PLXDC2: variants seen among roughly 807,000 people sequenced by gnomAD.
PLXDC2 encodes the protein plexin domain-containing protein 2.
PLXDC2 carries 40 observed loss-of-function variants against 68.9 expected under a neutral mutation model. That is an observed-to-expected ratio of 0.58 (90% confidence interval 0.45 to 0.76). The LOEUF is 0.76. Ranked by LOEUF, PLXDC2 falls within the 30% of genes least tolerant of loss-of-function variation. PLXDC2 has a pLI of 0.00. For synonymous variants in PLXDC2, 243 were observed against 234.2 expected (o/e 1.04, Z -0.34); for missense variants, 644 against 661.9 (o/e 0.97, Z 0.30).
At chr10:20,013,869 G>T (rs1835158068) in intron 2 of PLXDC2, among the ~76,000 whole-genome samples, 1 of 152,120 alleles carries the variant, frequency 6.6e-6, no homozygotes, top group South Asian at 2.1e-4. Context: ...AGTAAATGAG[G>T]TTAATCTTCA....
At chr10:19,950,650 A>G (rs534330959) in intron 1 of PLXDC2, among the ~76,000 whole-genome samples, 1 of 152,334 alleles carries the variant, frequency 6.6e-6, no homozygotes, top group East Asian at 1.9e-4. Flanking sequence ...GAACAAAACT[A>G]TGCAAAAATT....
rs140004070 is a variant in PLXDC2 at position 20,195,013 on chromosome 10, T to A, written c.1062-16656T>A. On this transcript the variant is annotated intron_variant, in intron 9 of 13. Coordinates refer to ENST00000377252, the MANE Select transcript of PLXDC2 (RefSeq NM_032812.9). Reference sequence around the variant, plus strand: ...ATAGTGCTTACCTGAAAGATTGTATTACATTATAAAAGATAATCATAACAA... The same window carrying A: ...ATAGTGCTTACCTGAAAGATTGTATAACATTATAAAAGATAATCATAACAA... Among the ~76,000 whole-genome samples, 588 of 152,140 alleles carry A rather than the reference T, an allele frequency of 3.9e-3. 3 individuals are homozygous for A. The highest frequency in any genetic ancestry group is 7.3e-3 in the Non-Finnish European group (494 of 68,002).
chr10:20,220,064 G>C (rs1372650139), intron 12 of PLXDC2, among the ~76,000 whole-genome samples: 4 of 152,140 alleles, frequency 2.6e-5, no homozygotes, highest in South Asian at 2.1e-4. Context: ...ATCTGAAAGA[G>C]AGAACAGTTA....
chr10:20,149,813 T>C (rs1834129724), intron 6 of PLXDC2, among the ~76,000 whole-genome samples: 1 of 152,178 alleles, frequency 6.6e-6, no homozygotes. Context: ...CTTTATCCAG[T>C]CTATCATTGG....
At chr10:20,241,959 T>G (rs1055085212) in intron 12 of PLXDC2, among the ~76,000 whole-genome samples, 1 of 151,478 alleles carries the variant, frequency 6.6e-6, no homozygotes. Context: ...GATGGATGGA[T>G]GGATGGATGG....
At chr10:19,946,845 C>G (rs553422109) in intron 1 of PLXDC2, among the ~76,000 whole-genome samples, 6 of 151,978 alleles carry the variant, frequency 3.9e-5, no homozygotes, top group Non-Finnish European at 5.9e-5. Flanking sequence ...CAAGTGCCAT[C>G]GCTGATCCGA....
intron 9 of PLXDC2, among the ~76,000 whole-genome samples, chr10:20,208,414 G>A (rs976309437): frequency 6.0e-5 from 9 of 150,106 alleles, no homozygotes; most frequent in Admixed American, 5.9e-4. Context: ...AACAGTATGG[G>A]GGAAACTGCC....
intron 1 of PLXDC2, among the ~76,000 whole-genome samples, chr10:19,848,799 G>T (rs188836671): frequency 6.6e-6 from 1 of 151,918 alleles, no homozygotes; most frequent in Non-Finnish European, 1.5e-5. Context: ...GATGCTGTTT[G>T]CCTGTAAGGG....
intron 4 of PLXDC2, among the ~76,000 whole-genome samples, chr10:20,134,659 G>C (rs1330731466): frequency 6.6e-6 from 1 of 152,166 alleles, no homozygotes; most frequent in Admixed American, 6.5e-5. Context: ...CTGGCACAAG[G>C]GTTCACAGGC....
chr10:19,863,133 CAT>C (rs1049126666), intron 1 of PLXDC2, among the ~76,000 whole-genome samples: 2 of 152,128 alleles, frequency 1.3e-5, no homozygotes, highest in African/African-American at 4.8e-5. Context: ...ATCTTCATGT[CAT>C]ATTTCAATTT....
intron 3 of PLXDC2, among the ~76,000 whole-genome samples, chr10:20,065,044 A>C (rs1460820268): frequency 2.0e-5 from 3 of 152,050 alleles, no homozygotes; most frequent in Non-Finnish European, 2.9e-5. Context: ...TCCTTGAGCA[A>C]GTGCCATCTG....
At chr10:20,179,441 A>G (rs1354314597) in intron 9 of PLXDC2, among the ~76,000 whole-genome samples, 1 of 152,126 alleles carries the variant, frequency 6.6e-6, no homozygotes, top group Non-Finnish European at 1.5e-5. Flanking sequence ...GAATCATGCT[A>G]AAATTTGTCT....
intron 4 of PLXDC2, among the ~76,000 whole-genome samples, chr10:20,099,856 G>A (rs1388062601): frequency 6.6e-6 from 1 of 151,702 alleles, no homozygotes; most frequent in Non-Finnish European, 1.5e-5. Flanking sequence ...TTTTAAAGTA[G>A]ACATTTAAAA....
At chr10:19,886,047 C>T (rs774066293) in intron 1 of PLXDC2, among the ~76,000 whole-genome samples, 55 of 152,208 alleles carry the variant, frequency 3.6e-4, no homozygotes, top group Non-Finnish European at 6.3e-4. Context: ...TGGTTTGTAG[C>T]TCTCCTTGAA....
intron 1 of PLXDC2, among the ~76,000 whole-genome samples, chr10:19,944,367 AT>A (rs1833867150): frequency 6.6e-6 from 1 of 152,022 alleles, no homozygotes; most frequent in East Asian, 1.9e-4. Flanking sequence ...TATATTTGGA[AT>A]GTATGTTTCC....
At chr10:19,849,803 G>T (rs759077930) in intron 1 of PLXDC2, among the ~76,000 whole-genome samples, 1 of 152,100 alleles carries the variant, frequency 6.6e-6, no homozygotes, top group Non-Finnish European at 1.5e-5. Flanking sequence ...TTGAATGGAT[G>T]GGATGGGTTA....
At chr10:20,279,672 A>T (rs768041708) in intron 13 of PLXDC2, 31 bp from the exon 14 acceptor site, 18 of 1,576,094 alleles carry the variant, frequency 1.1e-5, no homozygotes, top group Non-Finnish European at 1.6e-5. Flanking sequence ...ACCCTGACGC[A>T]CATTTTTTAT....
intron 1 of PLXDC2, among the ~76,000 whole-genome samples, chr10:19,924,181 C>T (rs543618043): frequency 5.2e-4 from 79 of 152,294 alleles, no homozygotes; most frequent in African/African-American, 1.7e-3. Flanking sequence ...TGACTGGGAC[C>T]CCTCACGGGC....
chr10:20,224,133 C>T (rs536398150), intron 12 of PLXDC2, among the ~76,000 whole-genome samples: 5 of 152,044 alleles, frequency 3.3e-5, no homozygotes, highest in Admixed American at 2.0e-4. Context: ...GCCACCATGC[C>T]CGGCTAATTT....
Sources: gnomAD v4.1 joint callset for allele counts (sites outside exome capture counted in the v4.1 genomes callset) on GRCh38, gnomAD v4.1.1 for gene constraint, MANE v1.5 for transcripts, NCBI Gene and HGNC (gene_info 2026-07-23, HGNC 2026-07-21) for gene names.